Variants in QSOX2 observed in about 807,000 individuals in gnomAD.
QSOX2 encodes the protein quiescin sulfhydryl oxidase 2.
A neutral mutation model predicts 61.7 loss-of-function variants in QSOX2; 46 were observed. The ratio of observed to expected loss-of-function variants is 0.75; its 90% confidence interval spans 0.59 to 0.95. The LOEUF (loss-of-function observed/expected upper bound fraction) is 0.95. Ranked by LOEUF, QSOX2 falls within the 40% of genes least tolerant of loss-of-function variation. The pLI, the probability that QSOX2 is intolerant of heterozygous loss-of-function variation, is 0.00. For synonymous variants in QSOX2, 383 were observed against 388.4 expected (o/e 0.99, Z 0.16); for missense variants, 879 against 918.9 (o/e 0.96, Z 0.56).
At chr9:136,216,493 C>T (rs1831914852) in intron 9 of QSOX2, 107 bp downstream of exon 9, 2 of 1,463,068 alleles carry the variant, frequency 1.4e-6, no homozygotes, top group Non-Finnish European at 1.9e-6. Context: ...TCCCCTTCCT[C>T]ACAGCGGAGC....
chr9:136,235,231 G>A (rs1282405896), intron 1 of QSOX2, among the ~76,000 whole-genome samples: 5 of 152,148 alleles, frequency 3.3e-5, no homozygotes, highest in East Asian at 1.9e-4. Flanking sequence ...TCAAAGGCAC[G>A]AGTGCTGGCA....
In QSOX2 at chr9:136,208,909, G is replaced by A. The variant is rs1473623650; in HGVS notation, c.1916C>T (p.Pro639Leu). ...CCCGCCCACCTCCTTGTGGGCCCCG[G>A]GCCCATCCAGACTCTGGAGTTTCCC... ...LDGKLQSLDG[P>L]GAHKEVGGAA... Residue 639 changes from proline to leucine, a missense_variant, in exon 12 of 12, where the codon CCC becomes CTC. By Grantham distance (98) the Pro-to-Leu change is moderately conservative. Transcript: ENST00000358701. The A allele has an allele frequency of 6.2e-7, 1 of 1,613,830 alleles. No homozygotes were observed. The highest frequency in any genetic ancestry group is 8.5e-7 in the Non-Finnish European group (1 of 1,180,012).
rs761855424 is a variant in QSOX2 at position 136,216,640 on chromosome 9, G to A, written c.1169C>T (p.Pro390Leu). ...WLASLPLDRIPYNAVLDLVNN... is the reference protein window; with the variant it reads ...WLASLPLDRILYNAVLDLVNN... ...GACCAGGTCAAGCACGGCGTTGTAG[G>A]GGATCCTGTCCAGGGGAAGGCTGGC... is the stretch of plus-strand genomic sequence containing the variant. Residue 390 changes from proline to leucine, a missense_variant, in exon 9 of 12, where the codon CCC becomes CTC. Pro to Leu is a moderately conservative substitution (Grantham distance 98). Transcript: ENST00000358701. 3.7e-6 allele frequency: 6 copies of A among 1,613,818 alleles called. No homozygotes were observed. The highest frequency in any genetic ancestry group is 2.2e-5 in the South Asian group (2 of 91,086).
chr9:136,224,751 G>A (rs1378716342), intron 3 of QSOX2, 110 bp downstream of exon 3: 3 of 578,072 alleles, frequency 5.2e-6, no homozygotes, highest in African/African-American at 1.9e-5. Context: ...GGTCAGCAGA[G>A]GGAAAGGTGC....
Position 136,215,041 on chromosome 9 carries a change from T to C in QSOX2, c.1360+113A>G, listed in dbSNP as rs1425788145. ...CTGAAGTGCCATTCCCCTGCCTCAG[T>C]GGCCTGGCGACATGCTGCCTCCCAT... On this transcript the variant is annotated intron_variant, in intron 10 of 11. Transcript: ENST00000358701. 11 of 1,278,170 alleles carry C rather than the reference T, an allele frequency of 8.6e-6. No homozygotes were observed. In the Admixed American group the frequency reaches 1.2e-4, roughly 14 times the overall value. 79.2% of individuals were successfully genotyped at this position (1,278,170 alleles called of 1,614,324 possible). A position where few individuals can be genotyped will look rare whatever the true frequency, so the allele number is the denominator to read the frequency against.
chr9:136,207,905 T>A lies in QSOX2; in HGVS notation c.*823A>T, dbSNP rs571024528. 2.0e-5 allele frequency: 3 copies of A among 152,434 alleles called. No homozygotes were observed. The East Asian group carries it at 5.7e-4, about 29-fold the overall frequency. The allele number at this position is 152,434 out of a possible 1,614,324, so 9.4% of individuals were successfully genotyped here. On this transcript the variant is annotated 3_prime_UTR_variant, in exon 12 of 12. Coordinates refer to ENST00000358701, the MANE Select transcript of QSOX2 (RefSeq NM_181701.4). ...CGTCCCAACGGCCCCCATTTACTTG[T>A]CTCTCTCTTGTCACCAGATAGACAG...
rs1358504322 is a variant in QSOX2, at chr9:136,222,257, C to A, written c.676-316G>T. 2.6e-4 allele frequency among the ~76,000 whole-genome samples: 40 copies of A among 152,212 alleles called. No homozygotes were observed. Among genetic ancestry groups the A allele is most frequent in the Admixed American group, 2.6e-3 (39 of 15,282 alleles). ...CAACACTGATACTGGTCAAGTGAGT[C>A]CCTGCACACAGCAGCCACACCCCAC... On this transcript the variant is annotated intron_variant, in intron 5 of 11. Coordinates refer to ENST00000358701, the MANE Select transcript of QSOX2 (RefSeq NM_181701.4). The surrounding 1 kb of genome is among the most constrained non-coding windows in gnomAD (Gnocchi z 6.9).
At chr9:136,212,936 C>T (rs879485941) in intron 10 of QSOX2, among the ~76,000 whole-genome samples, 19 of 152,326 alleles carry the variant, frequency 1.2e-4, no homozygotes, top group Admixed American at 9.1e-4. Context: ...TGCTGATGGG[C>T]GGAAGGAGCG....
chr9:136,219,585 G>T (rs914476754), intron 6 of QSOX2, among the ~76,000 whole-genome samples: 18 of 152,280 alleles, frequency 1.2e-4, no homozygotes, highest in African/African-American at 3.6e-4. Flanking sequence ...GTGGACGTCA[G>T]CCCCTCCCTG....
At chr9:136,235,329 G>A (rs2047910110) in intron 1 of QSOX2, among the ~76,000 whole-genome samples, 1 of 152,212 alleles carries the variant, frequency 6.6e-6, no homozygotes, top group Non-Finnish European at 1.5e-5. Flanking sequence ...GGACTGACAA[G>A]CATGTGCTGG....
chr9:136,234,525 A>C (rs1830360969), intron 1 of QSOX2, among the ~76,000 whole-genome samples: 1 of 152,110 alleles, frequency 6.6e-6, no homozygotes, highest in Non-Finnish European at 1.5e-5. Context: ...AACGGTGGCA[A>C]ATTCTTCTTG....
rs549282673 is a variant in QSOX2, at chr9:136,245,779, C to A, written c.25G>T (p.Ala9Ser). Reference sequence around the variant, plus strand: ...CCCGCTCCGATTCCCGGGCTGCGCGCCACCGCCGCCCCGGCCGCCGCCATG... The same window carrying A: ...CCCGCTCCGATTCCCGGGCTGCGCGACACCGCCGCCCCGGCCGCCGCCATG... MAAAGAAV[A>S]RSPGIGAGPA... Residue 9 changes from alanine to serine, a missense_variant, in exon 1 of 12, where the codon GCG (alanine) becomes TCG (serine). Ala to Ser is a moderately conservative substitution (Grantham distance 99). Coordinates refer to ENST00000358701, the MANE Select transcript of QSOX2 (RefSeq NM_181701.4). 46 of 1,158,082 alleles carry A rather than the reference C, an allele frequency of 4.0e-5. No individual in the cohort carries two copies. Among genetic ancestry groups the A allele is most frequent in the African/African-American group, 2.1e-4 (13 of 61,748 alleles). 71.7% of individuals were successfully genotyped at this position (1,158,082 alleles called of 1,614,324 possible). A position where few individuals can be genotyped will look rare whatever the true frequency, so the allele number is the denominator to read the frequency against.
In QSOX2 at chr9:136,232,338, C is replaced by T. The variant is rs142036276; in HGVS notation, c.329-5464G>A. Among the ~76,000 whole-genome samples, 13 of 152,272 alleles carry T rather than the reference C, an allele frequency of 8.5e-5. No homozygotes were observed. The East Asian group carries it at 2.5e-3, about 29-fold the overall frequency. On this transcript the variant is annotated intron_variant, in intron 1 of 11. Transcript: ENST00000358701. Reference sequence around the variant, plus strand: ...TCACCTTGACCAATATGTCTTTAAACTGCGTGTGTCCACTTAAATACGCAC... The same window carrying T: ...TCACCTTGACCAATATGTCTTTAAATTGCGTGTGTCCACTTAAATACGCAC...
chr9:136,211,440 TC>T lies in QSOX2; in HGVS notation c.1372del (p.Asp458ThrfsTer9). ...CATTGTCTGCAGCACAGCCTGGGGG[TC>T]GTCTTCAAAGCCTGCAGGGGAAGAA... ...DALVGTGFED[D>X]PQAVLQTMRR... is the part of the protein sequence containing the mutation. On this transcript the variant is annotated frameshift_variant, in exon 11 of 12. Transcript: ENST00000358701. LOFTEE classifies it high-confidence loss of function. 1 of 1,613,104 alleles carries T rather than the reference TC, an allele frequency of 6.2e-7. No homozygotes were observed.
chr9:136,232,332 T>C (rs925561724), intron 1 of QSOX2, among the ~76,000 whole-genome samples: 6 of 152,168 alleles, frequency 3.9e-5, no homozygotes, highest in Admixed American at 3.9e-4. Flanking sequence ...CCAATATGTC[T>C]TTAAACTGCG....
intron 1 of QSOX2, among the ~76,000 whole-genome samples, chr9:136,237,624 T>A (rs1588641537): frequency 7.2e-6 from 1 of 139,636 alleles, no homozygotes; most frequent in African/African-American, 2.8e-5. Flanking sequence ...TGGGCCAGCG[T>A]CACCTGGAGC....
chr9:136,221,018 T>C lies in QSOX2; in HGVS notation c.821+778A>G, dbSNP rs1004722543. Among the ~76,000 whole-genome samples, 29 of 152,356 alleles carry C rather than the reference T, an allele frequency of 1.9e-4. No individual in the cohort carries two copies. Among genetic ancestry groups the C allele is most frequent in the African/African-American group, 5.3e-4 (22 of 41,584 alleles). ...CTGATTCAAGTTGTTTACTTTTTCA[T>C]TGGGCTTATCCGAGGGGCACACAGG... On this transcript the variant is annotated intron_variant, in intron 6 of 11. Coordinates refer to ENST00000358701, the MANE Select transcript of QSOX2 (RefSeq NM_181701.4). The surrounding 1 kb of genome is among the most constrained non-coding windows in gnomAD (Gnocchi z 4.5).
intron 1 of QSOX2, among the ~76,000 whole-genome samples, chr9:136,241,035 C>T (rs973332355): frequency 2.6e-5 from 4 of 152,004 alleles, no homozygotes; most frequent in Admixed American, 1.3e-4. Context: ...CAAACCATCC[C>T]GTCTTACTTC....
chr9:136,211,181 C>G (rs550813186), intron 11 of QSOX2, 83 bp downstream of exon 11: 2 of 1,442,220 alleles, frequency 1.4e-6, no homozygotes, highest in African/African-American at 1.4e-5. Context: ...ACAAGCCCCA[C>G]GGCAGCCGTG....
Sources: gnomAD v4.1 joint callset for allele counts (sites outside exome capture counted in the v4.1 genomes callset) on GRCh38, gnomAD v4.1.1 for gene constraint, Gnocchi (gnomAD v3.1) non-coding constraint, MANE v1.5 for transcripts, NCBI Gene and HGNC (gene_info 2026-07-23, HGNC 2026-07-21) for gene names.